Variants in PTBP3 observed in about 807,000 individuals in gnomAD.
PTBP3 encodes polypyrimidine tract-binding protein 3.
In PTBP3, 20 loss-of-function variants were observed where a neutral mutation model predicts 58.7. That is an observed-to-expected ratio of 0.34 (90% confidence interval 0.24 to 0.50). The LOEUF (loss-of-function observed/expected upper bound fraction) is 0.50. PTBP3 is among the 20% of genes least tolerant of loss of function. The pLI, the probability that PTBP3 is intolerant of heterozygous loss-of-function variation, is 0.98. For missense variants in PTBP3, 509 were observed against 637.2 expected (o/e 0.80, Z 2.17); for synonymous variants, 185 against 219.8 (o/e 0.84, Z 1.40).
chr9:112,337,993 A>G (rs1214319718), upstream of PTBP3, among the ~76,000 whole-genome samples: 1 of 152,266 alleles, frequency 6.6e-6, no homozygotes, highest in Non-Finnish European at 1.5e-5. Flanking sequence ...CAAAATCATC[A>G]TAATTAACAT....
upstream of PTBP3, among the ~76,000 whole-genome samples, chr9:112,337,810 A>G (rs1214079878): frequency 6.6e-6 from 1 of 152,258 alleles, no homozygotes; most frequent in Admixed American, 6.5e-5. Context: ...AAGGCATTCC[A>G]GTAGGCAGTG....
chr9:112,298,635 C>T (rs1377522900), intron 1 of PTBP3: 9 of 441,002 alleles, frequency 2.0e-5, no homozygotes, highest in Non-Finnish European at 3.5e-5. Context: ...TTTACCTTGG[C>T]CAATTTTTAA....
At chr9:112,333,053 G>A (rs1019495675) in intron 1 of PTBP3, 19 of 1,266,198 alleles carry the variant, frequency 1.5e-5, no homozygotes, top group Non-Finnish European at 6.0e-6. Flanking sequence ...TCCCCCGGCA[G>A]GAGGACGCCC....
rs753294926 is a variant in PTBP3, at chr9:112,229,200, G to A, written c.1055-728C>T. 1.1e-4 allele frequency among the ~76,000 whole-genome samples: 16 copies of A among 152,182 alleles called. No individual in the cohort carries two copies. In the Middle Eastern group the frequency reaches 0.01, roughly 97 times the overall value. Reference sequence around the variant, plus strand: ...TACGAAGTCAATTCCAGTCTCACTCGATTTTTTCATCCAGTGTATTACAAT... The same window carrying A: ...TACGAAGTCAATTCCAGTCTCACTCAATTTTTTCATCCAGTGTATTACAAT... On this transcript the variant is annotated intron_variant, in intron 10 of 13. Coordinates refer to ENST00000374257, the MANE Select transcript of PTBP3 (RefSeq NM_001163788.4).
At chr9:112,343,086 A>G in the PTBP3 span, among the ~76,000 whole-genome samples, 1 of 152,198 alleles carries the variant, frequency 6.6e-6, no homozygotes, top group Non-Finnish European at 1.5e-5. Context: ...GGATCGGGGA[A>G]AATGCAGGAT....
intron 2 of PTBP3, among the ~76,000 whole-genome samples, chr9:112,284,194 A>G (rs1828003724): frequency 6.6e-6 from 1 of 152,172 alleles, no homozygotes; most frequent in African/African-American, 2.4e-5. Flanking sequence ...CAGATCTCAG[A>G]ATGGTAGATC....
rs148934435 is a variant in PTBP3 at position 112,221,281 on chromosome 9, T to TCACA, written c.*2566_*2569dup. On this transcript the variant is annotated 3_prime_UTR_variant, in exon 14 of 14. Transcript: ENST00000374257. ...TACACTTATCTACACACACACACAT[T>TCACA]CACACACACACACAAACACACCCCT... 1 of 979,426 alleles carries TCACA rather than the reference T, an allele frequency of 1.0e-6. No individual in the cohort carries two copies. 60.7% of individuals were successfully genotyped at this position (979,426 alleles called of 1,614,324 possible).
the PTBP3 span, among the ~76,000 whole-genome samples, chr9:112,352,726 G>A: frequency 6.6e-6 from 1 of 152,078 alleles, no homozygotes; most frequent in Middle Eastern, 3.2e-3. Context: ...AAATCTCACC[G>A]CTTTCCTTGA....
chr9:112,364,144 T>C, the PTBP3 span, among the ~76,000 whole-genome samples: 2 of 149,422 alleles, frequency 1.3e-5, no homozygotes, highest in Admixed American at 6.7e-5. Flanking sequence ...CATTTAACTT[T>C]CCTCCATGTC....
chr9:112,232,114 T>A lies in PTBP3; in HGVS notation c.1005A>T (p.Thr335=). 1.2e-6 allele frequency: 2 copies of A among 1,611,856 alleles called. No individual in the cohort carries two copies. Among genetic ancestry groups the A allele is most frequent in the South Asian group, 2.2e-5 (2 of 90,466 alleles). ...TTCAACTCACATCAGGATTGAGATTTGTGACGAGTAGAACAGAATTTCCTG... is the reference window on the plus strand; with the variant it reads ...TTCAACTCACATCAGGATTGAGATTAGTGACGAGTAGAACAGAATTTCCTG... ...GIPGNSVLLV[T]NLNPDLITPH... The change falls in exon 9 of 14, where the codon ACA becomes ACT. Residue 335 remains threonine (T), a synonymous_variant. Coordinates refer to ENST00000374257, the MANE Select transcript of PTBP3 (RefSeq NM_001163788.4).
intron 7 of PTBP3, among the ~76,000 whole-genome samples, chr9:112,235,858 A>G (rs1040643110): frequency 1.3e-5 from 2 of 152,182 alleles, no homozygotes; most frequent in African/African-American, 4.8e-5. Context: ...AGAGGAAGAG[A>G]CTAGCCCTAG....
the PTBP3 span, among the ~76,000 whole-genome samples, chr9:112,376,810 C>T: frequency 6.6e-6 from 1 of 152,138 alleles, no homozygotes; most frequent in African/African-American, 2.4e-5. Context: ...TCTGCCCTTC[C>T]CAGCCCACTG....
the PTBP3 span, among the ~76,000 whole-genome samples, chr9:112,339,632 C>T: frequency 6.7e-6 from 1 of 149,840 alleles, no homozygotes; most frequent in African/African-American, 2.5e-5. Flanking sequence ...GGAATGATCT[C>T]GGCTCACTGC....
chr9:112,333,096 C>A (rs1032125927), intron 1 of PTBP3: 1 of 1,270,260 alleles, frequency 7.9e-7, no homozygotes, highest in Non-Finnish European at 9.9e-7. Context: ...CCCCCAGCGC[C>A]GCGCACCATT....
intron 2 of PTBP3, among the ~76,000 whole-genome samples, chr9:112,284,742 A>T (rs1828034052): frequency 6.6e-6 from 1 of 152,100 alleles, no homozygotes; most frequent in Admixed American, 6.6e-5. Flanking sequence ...CAACAAAAAC[A>T]AGATTTAATG....
intron 1 of PTBP3, among the ~76,000 whole-genome samples, chr9:112,302,984 C>T (rs1016357440): frequency 1.3e-5 from 2 of 151,958 alleles, no homozygotes; most frequent in Non-Finnish European, 2.9e-5. Context: ...TTTTCTCATT[C>T]GATAAACTGT....
At chr9:112,231,519 T>A in intron 9 of PTBP3, 106 bp from the exon 10 acceptor site, 2 of 878,676 alleles carry the variant, frequency 2.3e-6, no homozygotes, top group Non-Finnish European at 1.7e-6. Context: ...AGCATGGTTT[T>A]ATATGCTTCT....
rs926909870 is a variant in PTBP3, at chr9:112,221,270, C to A, written c.*2581G>T. 1.7e-4 allele frequency: 170 copies of A among 984,728 alleles called. No individual in the cohort carries two copies. The highest frequency in any genetic ancestry group is 2.0e-4 in the Non-Finnish European group (168 of 829,106). 61.0% of individuals were successfully genotyped at this position (984,728 alleles called of 1,614,324 possible). The stretch of plus-strand genomic sequence containing the variant: ...ATTTATGTATATACACTTATCTACA[C>A]ACACACACATTCACACACACACACA... On this transcript the variant is annotated 3_prime_UTR_variant, in exon 14 of 14. Coordinates refer to ENST00000374257, the MANE Select transcript of PTBP3 (RefSeq NM_001163788.4).
chr9:112,239,855 G>GAGGA (rs1245636071), intron 7 of PTBP3, among the ~76,000 whole-genome samples: 1 of 94,278 alleles, frequency 1.1e-5, no homozygotes. Context: ...GGGAGGGAGG[G>GAGGA]AGGGAGGGAG....
Sources: gnomAD v4.1 joint callset for allele counts (sites outside exome capture counted in the v4.1 genomes callset) on GRCh38, gnomAD v4.1.1 for gene constraint, MANE v1.5 for transcripts, NCBI Gene and HGNC (gene_info 2026-07-23, HGNC 2026-07-21) for gene names.